The following RHBDD1 variants were observed in gnomAD, a reference collection of about 807,000 sequenced individuals.
RHBDD1 encodes the protein rhomboid-related protein 4.
Under a neutral mutation model 36.3 loss-of-function variants are expected in RHBDD1, and 38 were observed. The observed-to-expected ratio is 1.05, with a 90% confidence interval of 0.81 to 1.37. The LOEUF (loss-of-function observed/expected upper bound fraction) is 1.37, where lower values mean the gene tolerates loss of function less well. Ranked by LOEUF, RHBDD1 falls within the 40% of genes most tolerant of loss-of-function variation. RHBDD1 has a pLI of 0.00. For missense variants in RHBDD1, 393 were observed against 377.6 expected (o/e 1.04, Z -0.34); for synonymous variants, 151 against 136.5 (o/e 1.11, Z -0.74).
At chr2:226,851,180 A>G (rs1363947517) in intron 3 of RHBDD1, among the ~76,000 whole-genome samples, 1 of 151,886 alleles carries the variant, frequency 6.6e-6, no homozygotes, top group African/African-American at 2.4e-5. Flanking sequence ...AAGACGCTAA[A>G]CTTTTTTCCA....
At chr2:226,832,397 C>A (rs1940765022), upstream of RHBDD1, among the ~76,000 whole-genome samples, 1 of 152,156 alleles carries the variant, frequency 6.6e-6, no homozygotes, top group Admixed American at 6.5e-5. Context: ...TATGGTCTAA[C>A]ATAAGGCTAT....
At chr2:226,814,468 T>G in the RHBDD1 span, among the ~76,000 whole-genome samples, 9 of 152,140 alleles carry the variant, frequency 5.9e-5, no homozygotes, top group Non-Finnish European at 8.8e-5. Context: ...ATGAGGAGCC[T>G]TTGGTATGAT....
chr2:226,851,675 C>G (rs999091066), intron 3 of RHBDD1, among the ~76,000 whole-genome samples: 8 of 152,108 alleles, frequency 5.3e-5, no homozygotes, highest in African/African-American at 1.9e-4. Flanking sequence ...TCTCTAGTCC[C>G]TTGGAATGAA....
chr2:226,944,746 TTAGG>T (rs943428551), intron 8 of RHBDD1, among the ~76,000 whole-genome samples: 1 of 152,200 alleles, frequency 6.6e-6, no homozygotes, highest in African/African-American at 2.4e-5. Context: ...GACAGAATAC[TTAGG>T]TAGTGAACAT....
chr2:226,972,608 C>A (rs962478156), intron 8 of RHBDD1, among the ~76,000 whole-genome samples: 3 of 152,154 alleles, frequency 2.0e-5, no homozygotes, highest in African/African-American at 7.2e-5. Context: ...TGGGTCAAGG[C>A]AGGAGCTGGA....
chr2:226,980,002 T>A (rs1955368828), intron 8 of RHBDD1, among the ~76,000 whole-genome samples: 1 of 152,040 alleles, frequency 6.6e-6, no homozygotes, highest in Non-Finnish European at 1.5e-5. Flanking sequence ...GAGGAAGGTG[T>A]CAAGGAAGAC....
At chr2:226,817,373 G>A in the RHBDD1 span, among the ~76,000 whole-genome samples, 165 of 152,284 alleles carry the variant, frequency 1.1e-3, 3 homozygotes, top group South Asian at 0.033. Context: ...CTAGTTGCTG[G>A]TGTTCTAATT....
intron 8 of RHBDD1, among the ~76,000 whole-genome samples, chr2:226,937,775 G>A (rs907336057): frequency 6.6e-6 from 1 of 152,014 alleles, no homozygotes; most frequent in African/African-American, 2.4e-5. Flanking sequence ...ACATCATTTC[G>A]GTTTTGTTGT....
chr2:226,980,385 G>A, intron 8 of RHBDD1, among the ~76,000 whole-genome samples: 1 of 152,174 alleles, frequency 6.6e-6, no homozygotes, highest in Non-Finnish European at 1.5e-5. Flanking sequence ...GGTAAGCAAG[G>A]TTCTAAGCAG....
chr2:226,842,795 T>G (rs552119027), intron 3 of RHBDD1, among the ~76,000 whole-genome samples: 1 of 152,202 alleles, frequency 6.6e-6, no homozygotes, highest in East Asian at 1.9e-4. Flanking sequence ...TAAAATAGTT[T>G]TATCTAAATC....
intron 8 of RHBDD1, among the ~76,000 whole-genome samples, chr2:226,953,726 G>T (rs768822034): frequency 2.6e-5 from 4 of 152,110 alleles, no homozygotes; most frequent in Admixed American, 2.6e-4. Context: ...ACTTACATTC[G>T]CTTTGAGAAG....
intron 3 of RHBDD1, among the ~76,000 whole-genome samples, chr2:226,854,176 T>C (rs1294936411): frequency 7.9e-5 from 12 of 152,240 alleles, no homozygotes; most frequent in African/African-American, 9.6e-5. Flanking sequence ...ATGGTACTTA[T>C]GTTTCAGGCA....
intron 5 of RHBDD1, among the ~76,000 whole-genome samples, chr2:226,904,566 C>A (rs893120119): frequency 6.6e-6 from 1 of 152,098 alleles, no homozygotes; most frequent in Non-Finnish European, 1.5e-5. Context: ...AGCACGTGTG[C>A]ATGTATGTGA....
intron 8 of RHBDD1, among the ~76,000 whole-genome samples, chr2:226,991,678 T>G (rs1047131631): frequency 2.0e-5 from 3 of 152,230 alleles, no homozygotes; most frequent in Non-Finnish European, 4.4e-5. Flanking sequence ...AAGGAGCTAC[T>G]CAGTATTCCC....
intron 5 of RHBDD1, among the ~76,000 whole-genome samples, chr2:226,892,188 C>T (rs1271595939): frequency 3.9e-5 from 6 of 152,332 alleles, no homozygotes; most frequent in East Asian, 1.9e-4. Flanking sequence ...GTTTGTTTAA[C>T]ATTAACTGTG....
chr2:226,967,434 G>A (rs141659695), intron 8 of RHBDD1, among the ~76,000 whole-genome samples: 4 of 151,980 alleles, frequency 2.6e-5, no homozygotes, highest in African/African-American at 9.6e-5. Context: ...TGCACAATGT[G>A]CAGGTTTGTT....
intron 8 of RHBDD1, among the ~76,000 whole-genome samples, chr2:226,952,561 G>A (rs747270850): frequency 9.9e-5 from 15 of 152,202 alleles, no homozygotes; most frequent in Non-Finnish European, 2.1e-4. Flanking sequence ...GCCTCCCAAA[G>A]TGCTGGCATG....
chr2:226,836,337 A>G (rs1178036782), intron 1 of RHBDD1: 1 of 152,322 alleles, frequency 6.6e-6, no homozygotes, highest in Admixed American at 6.5e-5. Flanking sequence ...AAGTTGCCGC[A>G]TCTCCGCCGG....
At chr2:226,908,989 A>G (rs1948298460) in intron 7 of RHBDD1, 111 bp downstream of exon 7, 1 of 715,434 alleles carries the variant, frequency 1.4e-6, no homozygotes, top group Non-Finnish European at 2.4e-6. Flanking sequence ...AGGGTCATTC[A>G]CATGTTGTGT....
Sources: gnomAD v4.1 joint callset for allele counts (sites outside exome capture counted in the v4.1 genomes callset) on GRCh38, gnomAD v4.1.1 for gene constraint, MANE v1.5 for transcripts, NCBI Gene and HGNC (gene_info 2026-07-23, HGNC 2026-07-21) for gene names.